Variants in PTPRE observed in about 807,000 individuals in gnomAD.
PTPRE encodes the protein receptor-type tyrosine-protein phosphatase epsilon.
In PTPRE, 51 loss-of-function variants were observed where a neutral mutation model predicts 102.0. That is an observed-to-expected ratio of 0.50 (90% CI 0.40 to 0.63). PTPRE has a LOEUF of 0.63. PTPRE is among the 30% of genes least tolerant of loss of function. The pLI is 0.00. For synonymous variants in PTPRE, 345 were observed against 348.2 expected, an observed-to-expected ratio of 0.99 and a Z score of 0.10; for missense variants, 752 against 915.1, an observed-to-expected ratio of 0.82 and a Z score of 2.30.
chr10:127,952,088 C>G (rs1186969913), intron 1 of PTPRE, among the ~76,000 whole-genome samples: 1 of 152,216 alleles, frequency 6.6e-6, no homozygotes, highest in African/African-American at 2.4e-5. Context: ...CCTTCACTCT[C>G]CCACCTCAGG....
At chr10:128,012,006 C>A (rs1485694578) in intron 2 of PTPRE, among the ~76,000 whole-genome samples, 1 of 152,188 alleles carries the variant, frequency 6.6e-6, no homozygotes, top group Admixed American at 6.5e-5. Context: ...AGATAGACAG[C>A]CCAGGTGTGA....
intron 2 of PTPRE, among the ~76,000 whole-genome samples, chr10:127,997,912 G>T (rs1161784718): frequency 6.6e-6 from 1 of 152,156 alleles, no homozygotes; most frequent in African/African-American, 2.4e-5. Context: ...CAGCAGACAC[G>T]GACACTTCCA....
chr10:127,963,856 A>T (rs1030972855), intron 1 of PTPRE, among the ~76,000 whole-genome samples: 1 of 152,178 alleles, frequency 6.6e-6, no homozygotes, highest in African/African-American at 2.4e-5. Context: ...CTGCACAGGG[A>T]GTCCGCAGTG....
intron 1 of PTPRE, among the ~76,000 whole-genome samples, chr10:127,971,112 A>G (rs1289986271): frequency 6.6e-6 from 1 of 152,182 alleles, no homozygotes; most frequent in Non-Finnish European, 1.5e-5. Flanking sequence ...TGTAAGTCTC[A>G]CTGAACTGAA....
intron 2 of PTPRE, among the ~76,000 whole-genome samples, chr10:128,030,344 G>A (rs182211071): frequency 3.9e-5 from 6 of 152,270 alleles, no homozygotes; most frequent in South Asian, 2.1e-4. Context: ...GGAAGCAGGC[G>A]CAGAGAGGTT....
intron 2 of PTPRE, among the ~76,000 whole-genome samples, chr10:128,032,990 G>A (rs10764737): frequency 0.55 from 83,006 of 152,008 alleles, 22,800 homozygotes; most frequent in East Asian, 0.62. Flanking sequence ...TGATGATAAT[G>A]TTGGTATAAT....
chr10:128,000,434 G>A, intron 2 of PTPRE, among the ~76,000 whole-genome samples: 1 of 152,154 alleles, frequency 6.6e-6, no homozygotes, highest in East Asian at 1.9e-4. Context: ...ACACAAAATT[G>A]GAGGGGAGAT....
rs2135590772 is a variant in PTPRE at position 128,008,165 on chromosome 10, C to T, written c.-8+25869C>T. The stretch of plus-strand genomic sequence containing the variant: ...GGTACATGCCCCTGGGAAAACTGCC[C>T]AAGGGAAACAGTGCATCCACCATCT... On this transcript the variant is annotated intron_variant, in intron 2 of 20. Coordinates refer to ENST00000254667, the MANE Select transcript of PTPRE (RefSeq NM_006504.6). The surrounding 1 kb of genome is among the most constrained non-coding windows in gnomAD (Gnocchi z 4.0). Among the ~76,000 whole-genome samples the T allele has an allele frequency of 6.6e-6, 1 of 152,260 alleles. No individual in the cohort carries two copies. The highest frequency in any genetic ancestry group is 1.5e-5 in the Non-Finnish European group (1 of 68,002).
At chr10:128,062,973 A>G in intron 9 of PTPRE, 110 bp from the exon 10 acceptor site, 2 of 1,520,920 alleles carry the variant, frequency 1.3e-6, no homozygotes, top group Non-Finnish European at 1.8e-6. Context: ...AACAAGCCTG[A>G]GAAGGGAGTG....
At chr10:128,078,306 G>A (rs938369659) in intron 19 of PTPRE, among the ~76,000 whole-genome samples, 2 of 152,242 alleles carry the variant, frequency 1.3e-5, no homozygotes, top group African/African-American at 4.8e-5. Context: ...CCCTGGGCAG[G>A]TGGGACATGC....
intron 1 of PTPRE, among the ~76,000 whole-genome samples, chr10:127,950,028 C>A (rs926748153): frequency 6.6e-6 from 1 of 152,058 alleles, no homozygotes; most frequent in Non-Finnish European, 1.5e-5. Context: ...CTGGACCCGC[C>A]CCCACCAACC....
chr10:128,040,749 A>G, intron 2 of PTPRE, 126 bp from the exon 3 acceptor site: 1 of 676,632 alleles, frequency 1.5e-6, no homozygotes, highest in East Asian at 2.7e-5. Context: ...AGTGACAGGC[A>G]AAGTTCTTGG....
chr10:127,993,310 T>G (rs1393336962), intron 2 of PTPRE, among the ~76,000 whole-genome samples: 1 of 152,032 alleles, frequency 6.6e-6, no homozygotes, highest in African/African-American at 2.4e-5. Flanking sequence ...TATCAGAGAG[T>G]GCATGTTTTC....
chr10:128,023,089 G>A (rs192845557), intron 2 of PTPRE, among the ~76,000 whole-genome samples: 10 of 152,312 alleles, frequency 6.6e-5, no homozygotes, highest in African/African-American at 1.9e-4. Context: ...TACATGAGTA[G>A]AGTGAACAAG....
rs150564434 is a variant in PTPRE at position 127,918,812 on chromosome 10, G to A, written c.-31+11503G>A. ...CGAGGAAGAGCCACGGCTGTTGAGC[G>A]TGGATGTGTATTTCTCAAGGAGTAT... On this transcript the variant is annotated intron_variant, in intron 1 of 20. Coordinates refer to ENST00000254667, the MANE Select transcript of PTPRE (RefSeq NM_006504.6). Among the ~76,000 whole-genome samples, 448 of 152,318 alleles carry A rather than the reference G, an allele frequency of 2.9e-3. 7 individuals are homozygous for A. The East Asian group carries it at 0.041, about 14-fold the overall frequency.
rs534679572 is a variant in PTPRE, at chr10:128,038,959, A to G, written c.-7-1916A>G. 5.3e-5 allele frequency among the ~76,000 whole-genome samples: 8 copies of G among 152,330 alleles called. No individual in the cohort carries two copies. In the Middle Eastern group the frequency reaches 0.014, roughly 259 times the overall value. On this transcript the variant is annotated intron_variant, in intron 2 of 20. Transcript: ENST00000254667. ...CCGGACCTCAGTGTCTAACAGATGA[A>G]CAAAATGATCTTTGTCTTTCTCAAG...
At chr10:127,938,408 A>G (rs1847983074) in intron 1 of PTPRE, among the ~76,000 whole-genome samples, 1 of 151,674 alleles carries the variant, frequency 6.6e-6, no homozygotes, top group Non-Finnish European at 1.5e-5. Context: ...GGCTCAGCTC[A>G]CCCTGTCCCA....
intron 3 of PTPRE, among the ~76,000 whole-genome samples, chr10:128,046,609 T>C (rs1275514144): frequency 6.6e-6 from 1 of 150,646 alleles, no homozygotes; most frequent in Admixed American, 6.6e-5. Flanking sequence ...AACATTTTGG[T>C]GATGAGGGGG....
intron 1 of PTPRE, among the ~76,000 whole-genome samples, chr10:127,962,826 G>C (rs1006686934): frequency 6.6e-6 from 1 of 152,200 alleles, no homozygotes. Flanking sequence ...CCCAGCCCCC[G>C]CAATGTCCAC....
Sources: gnomAD v4.1 joint callset for allele counts (sites outside exome capture counted in the v4.1 genomes callset) on GRCh38, gnomAD v4.1.1 for gene constraint, Gnocchi (gnomAD v3.1) non-coding constraint, MANE v1.5 for transcripts, NCBI Gene and HGNC (gene_info 2026-07-23, HGNC 2026-07-21) for gene names.